Variants in SOBP observed in about 807,000 individuals in gnomAD.
SOBP encodes the protein sine oculis-binding protein homolog.
Under a neutral mutation model 53.6 loss-of-function variants are expected in SOBP, and 4 were observed. That is an observed-to-expected ratio of 0.07 (90% CI 0.04 to 0.17). The LOEUF is 0.17. Ranked by LOEUF, SOBP falls within the 10% of genes least tolerant of loss-of-function variation. SOBP has a pLI of 1.00. For missense variants in SOBP, 1,088 were observed against 1,204.7 expected, an observed-to-expected ratio of 0.90 and a Z score of 1.43; for synonymous variants, 584 against 522.6, an observed-to-expected ratio of 1.12 and a Z score of -1.60.
chr6:107,624,193 C>T (rs137882591), intron 5 of SOBP, among the ~76,000 whole-genome samples: 6 of 152,316 alleles, frequency 3.9e-5, no homozygotes, highest in South Asian at 2.1e-4. Context: ...GTGGCATTAG[C>T]AGAGGTATAG....
At chr6:107,627,155 T>C (rs1284439294) in intron 5 of SOBP, among the ~76,000 whole-genome samples, 1 of 152,176 alleles carries the variant, frequency 6.6e-6, no homozygotes, top group Non-Finnish European at 1.5e-5. Context: ...GCAGAGAGTT[T>C]TGTCATGGTA....
At chr6:107,544,161 T>C (rs148859400) in intron 4 of SOBP, among the ~76,000 whole-genome samples, 1 of 152,154 alleles carries the variant, frequency 6.6e-6, no homozygotes, top group South Asian at 2.1e-4. Flanking sequence ...GTCCACACAT[T>C]GAAGCTACTA....
intron 3 of SOBP, among the ~76,000 whole-genome samples, chr6:107,520,941 G>A (rs1433768617): frequency 6.6e-6 from 1 of 151,742 alleles, no homozygotes; most frequent in Non-Finnish European, 1.5e-5. Context: ...GTGGAGCCTG[G>A]TTTCTAAAGC....
In SOBP at chr6:107,634,725, C is replaced by A; in HGVS notation, c.1881C>A (p.Ala627=). 1 of 1,359,684 alleles carries A rather than the reference C, an allele frequency of 7.4e-7. No individual in the cohort carries two copies. Among genetic ancestry groups the A allele is most frequent in the Admixed American group, 3.5e-5 (1 of 28,506 alleles). The allele number at this position is 1,359,684 out of a possible 1,614,324, so 84.2% of individuals were successfully genotyped here. A position where few individuals can be genotyped will look rare whatever the true frequency, so the allele number is the denominator to read the frequency against. Residue 627 remains alanine, a synonymous_variant, in exon 6 of 7, where the codon GCC becomes GCA. Transcript: ENST00000317357. This position sits in a 1 kb window ranked among gnomAD's most constrained non-coding sequence, Gnocchi z 4.5. The part of the protein sequence containing the change: ...RSEVVDLTRR[A]GSPPGPPGAG... ...AGGTGGTGGACCTGACGCGGCGCGC[C>A]GGCAGCCCCCCGGGCCCCCCGGGCG...
intron 3 of SOBP, among the ~76,000 whole-genome samples, chr6:107,527,895 A>G (rs1176895277): frequency 6.6e-6 from 1 of 152,088 alleles, no homozygotes; most frequent in Non-Finnish European, 1.5e-5. Context: ...GCTGTGTTTC[A>G]TATTCATACT....
chr6:107,623,096 A>C (rs779970332), intron 5 of SOBP, among the ~76,000 whole-genome samples: 21 of 152,200 alleles, frequency 1.4e-4, no homozygotes, highest in African/African-American at 2.4e-5. Flanking sequence ...GAGGGGGAGA[A>C]TGCTGGATAT....
chr6:107,654,002 G>A (rs1489530513), intron 6 of SOBP, among the ~76,000 whole-genome samples: 1 of 152,196 alleles, frequency 6.6e-6, no homozygotes, highest in African/African-American at 2.4e-5. Context: ...AGGTGGATGA[G>A]TATCTAGATC....
rs180962252 is a variant in SOBP at position 107,528,257 on chromosome 6, A to G, written c.422-5202A>G. 4.6e-5 allele frequency among the ~76,000 whole-genome samples: 7 copies of G among 152,324 alleles called. No individual in the cohort carries two copies. The East Asian group carries it at 1.2e-3, about 25-fold the overall frequency. ...AATGACCTTCTAGTGGTAGAATTTA[A>G]TCTTAGTGAGCAGCTGAAGGATAAT... On this transcript the variant is annotated intron_variant, in intron 3 of 6. Transcript: ENST00000317357.
At chr6:107,639,216 A>T (rs973240523) in intron 6 of SOBP, among the ~76,000 whole-genome samples, 6 of 152,212 alleles carry the variant, frequency 3.9e-5, no homozygotes, top group African/African-American at 1.2e-4. Flanking sequence ...AGTACTGTTT[A>T]AAAAAATCAT....
intron 4 of SOBP, among the ~76,000 whole-genome samples, chr6:107,579,337 T>G (rs1785331854): frequency 6.6e-6 from 1 of 152,004 alleles, no homozygotes; most frequent in African/African-American, 2.4e-5. Context: ...AAATAACAAT[T>G]CTTACCAAAC....
At chr6:107,613,823 T>C (rs1786684927) in intron 5 of SOBP, among the ~76,000 whole-genome samples, 1 of 152,184 alleles carries the variant, frequency 6.6e-6, no homozygotes, top group South Asian at 2.1e-4. Flanking sequence ...CAGTATGCCT[T>C]TCAGAGATAT....
At chr6:107,534,508 A>G (rs767453371) in intron 4 of SOBP, among the ~76,000 whole-genome samples, 9 of 152,234 alleles carry the variant, frequency 5.9e-5, no homozygotes, top group Admixed American at 2.6e-4. Context: ...TTTCTATAAT[A>G]CAAGATCCAA....
At chr6:107,607,483 G>C (rs563914370) in intron 5 of SOBP, among the ~76,000 whole-genome samples, 1 of 152,306 alleles carries the variant, frequency 6.6e-6, no homozygotes, top group East Asian at 1.9e-4. Flanking sequence ...AAAAAATTAA[G>C]TTAATGAATA....
intron 3 of SOBP, among the ~76,000 whole-genome samples, chr6:107,527,325 TGTAA>T (rs773590981): frequency 1.6e-4 from 24 of 152,366 alleles, no homozygotes; most frequent in Non-Finnish European, 2.9e-4. Context: ...AAAGAATAGC[TGTAA>T]GTGAGGCTTT....
chr6:107,570,972 C>T (rs967561910), intron 4 of SOBP, among the ~76,000 whole-genome samples: 6 of 152,210 alleles, frequency 3.9e-5, no homozygotes, highest in African/African-American at 1.4e-4. Flanking sequence ...TGACGGTATT[C>T]ATCTAGAACC....
chr6:107,632,848 C>T (rs973318683), intron 5 of SOBP, among the ~76,000 whole-genome samples: 6 of 152,130 alleles, frequency 3.9e-5, no homozygotes, highest in Non-Finnish European at 7.4e-5. Context: ...GAAATGTCAC[C>T]AAAAATTCTG....
At chr6:107,551,154 C>G (rs972574552) in intron 4 of SOBP, among the ~76,000 whole-genome samples, 1 of 152,266 alleles carries the variant, frequency 6.6e-6, no homozygotes, top group Non-Finnish European at 1.5e-5. Context: ...AGTTAAGTGA[C>G]TTGCAGGGGC....
chr6:107,582,682 T>C (rs974100664), intron 4 of SOBP, among the ~76,000 whole-genome samples: 20 of 152,182 alleles, frequency 1.3e-4, no homozygotes, highest in African/African-American at 4.6e-4. Context: ...GGCATAAATA[T>C]CTAGCACACT....
intron 4 of SOBP, among the ~76,000 whole-genome samples, chr6:107,548,864 G>C (rs1297813836): frequency 6.6e-6 from 1 of 152,150 alleles, no homozygotes; most frequent in African/African-American, 2.4e-5. Context: ...TTTGAGCCAG[G>C]AGTTTGAGGT....
Sources: gnomAD v4.1 joint callset for allele counts (sites outside exome capture counted in the v4.1 genomes callset) on GRCh38, gnomAD v4.1.1 for gene constraint, Gnocchi (gnomAD v3.1) non-coding constraint, MANE v1.5 for transcripts, NCBI Gene and HGNC (gene_info 2026-07-23, HGNC 2026-07-21) for gene names.